Variants in EPB42 observed in about 807,000 individuals in gnomAD.
The protein encoded by EPB42 is protein 4.2.
A neutral mutation model predicts 76.9 loss-of-function variants in EPB42; 49 were observed. The observed-to-expected ratio is 0.64, with a 90% CI of 0.51 to 0.81. The LOEUF is 0.81. Ranked by LOEUF, EPB42 falls within the 30% of genes least tolerant of loss-of-function variation. The probability of loss-of-function intolerance (pLI) is 0.00; values close to 1 mark genes in which losing one functional copy is unlikely to be tolerated. For synonymous variants in EPB42, 310 were observed against 338.4 expected, an observed-to-expected ratio of 0.92 and a Z score of 0.92; for missense variants, 731 against 867.6, an observed-to-expected ratio of 0.84 and a Z score of 1.98.
chr15:43,208,366 A>T lies in EPB42; in HGVS notation c.972-33T>A, dbSNP rs1214312947. 3.7e-6 allele frequency: 6 copies of T among 1,604,164 alleles called. No individual in the cohort carries two copies. The Admixed American group carries it at 8.3e-5, about 22-fold the overall frequency. On this transcript the variant is annotated intron_variant, in intron 7 of 12. Transcript: ENST00000441366. Reference sequence around the variant, plus strand: ...CAGCAAAGAGAAAAATTCAAGTGGGAAAGAAAACGAGTGCTGAAGAGGTTC... The same window carrying T: ...CAGCAAAGAGAAAAATTCAAGTGGGTAAGAAAACGAGTGCTGAAGAGGTTC...
rs1442751093 is a variant in EPB42 at position 43,201,984 on chromosome 15, G to A, written c.1780-7C>T. 6 of 1,613,994 alleles carry A rather than the reference G, an allele frequency of 3.7e-6. No individual in the cohort carries two copies. The highest frequency in any genetic ancestry group is 3.4e-4 in the Middle Eastern group (2 of 5,946). On this transcript the variant is annotated splice_region_variant and splice_polypyrimidine_tract_variant and intron_variant, in intron 11 of 12. Coordinates refer to ENST00000441366, the MANE Select transcript of EPB42 (RefSeq NM_001114134.2). ...GCTCTGCTTTCTCTGGCATCTGTGG[G>A]AAGAGGCAATACCTGGTGTGGATGC...
intron 11 of EPB42, 114 bp downstream of exon 11, chr15:43,203,001 T>C: frequency 7.5e-7 from 1 of 1,333,128 alleles, no homozygotes; most frequent in Non-Finnish European, 1.1e-6. Flanking sequence ...AAATGTAGCA[T>C]TTTCTGGTAA....
upstream of EPB42, among the ~76,000 whole-genome samples, chr15:43,222,819 A>T (rs184775836): frequency 2.0e-5 from 3 of 152,360 alleles, no homozygotes; most frequent in African/African-American, 4.8e-5. Context: ...TTGGCTTCCT[A>T]TCTTATGCCA....
At position 43,207,433 on chromosome 15, in the gene EPB42, A is replaced by T; in HGVS notation, c.1084T>A (p.Ser362Thr). The T allele has an allele frequency of 6.2e-7, 1 of 1,613,802 alleles. No homozygotes were observed. The highest frequency in any genetic ancestry group is 8.5e-7 in the Non-Finnish European group (1 of 1,180,024). The change falls in exon 9 of 13, where the codon TCC becomes ACC. Residue 362 changes from serine to threonine, a missense_variant. Transcript: ENST00000441366. ...SAPNGGGVLG[S>T]CDLVPVRAVK... Reference sequence around the variant, plus strand: ...GCTCTGACCGGCACCAGATCACAGGACCCCAGGACTGAGGGAGAGAAAGGT... The same window carrying T: ...GCTCTGACCGGCACCAGATCACAGGTCCCCAGGACTGAGGGAGAGAAAGGT...
intron 10 of EPB42, 116 bp from the exon 11 acceptor site, chr15:43,203,391 C>T: frequency 7.6e-7 from 1 of 1,310,746 alleles, no homozygotes; most frequent in Non-Finnish European, 1.1e-6. Context: ...AAAGATGCAC[C>T]ATTTTCCCCA....
chr15:43,208,194 G>T (rs1195938941), intron 8 of EPB42, 36 bp downstream of exon 8: 2 of 1,586,222 alleles, frequency 1.3e-6, no homozygotes, highest in Admixed American at 1.7e-5. Context: ...GCTCTGTGCA[G>T]CCCTGCGTGG....
At chr15:43,202,060 CTCAG>C in intron 11 of EPB42, 83 bp from the exon 12 acceptor site, 3 of 1,596,904 alleles carry the variant, frequency 1.9e-6, no homozygotes. Context: ...CTGTACCCTC[CTCAG>C]TAAGTTTCCT....
In EPB42 at chr15:43,200,287, C is replaced by G. The variant is rs2042106672; in HGVS notation, c.1913+1557G>C. On this transcript the variant is annotated intron_variant, in intron 12 of 12. Transcript: ENST00000441366. ...TTGGCAAGAATGTCTCATTAAGTTT[C>G]ATGAGGCTGAGGCAGTGGCTCAGTA... Among the ~76,000 whole-genome samples, 3 of 152,200 alleles carry G rather than the reference C, an allele frequency of 2.0e-5. 1 individual carries two copies. The South Asian group carries it at 6.2e-4, about 31-fold the overall frequency.
Position 43,207,148 on chromosome 15 carries a change from C to T in EPB42, c.1318+51G>A, listed in dbSNP as rs111472361. 5.1e-5 allele frequency: 83 copies of T among 1,611,840 alleles called. 1 individual carries two copies. The highest frequency in any genetic ancestry group is 3.1e-4 in the South Asian group (28 of 90,876). On this transcript the variant is annotated intron_variant, in intron 9 of 12. Transcript: ENST00000441366. Reference sequence around the variant, plus strand: ...ATCTACCAGGCCCATCCCTTTCCCTCGCTTGCCGTTTCAGGTACCGAGAAG... The same window carrying T: ...ATCTACCAGGCCCATCCCTTTCCCTTGCTTGCCGTTTCAGGTACCGAGAAG...
rs1175709797 is a variant in EPB42, at chr15:43,208,768, T to C, written c.840A>G (p.Arg280=). The C allele has an allele frequency of 1.2e-6, 2 of 1,614,000 alleles. No homozygotes were observed. Among genetic ancestry groups the C allele is most frequent in the Non-Finnish European group, 1.7e-6 (2 of 1,179,996 alleles). The part of the protein sequence containing the change: ...VLAAVACTVL[R]CLGIPARVVT... ...CCACGCGGGCAGGGATTCCCAGGCA[T>C]CGCAGCACTGTGAGAAGAGGGGCGG... The change falls in exon 7 of 13, where the codon CGA becomes CGG. Residue 280 remains arginine (R), a synonymous_variant. Transcript: ENST00000441366.
chr15:43,214,585 C>A (rs1324096619), intron 3 of EPB42, among the ~76,000 whole-genome samples: 1 of 152,166 alleles, frequency 6.6e-6, no homozygotes, highest in African/African-American at 2.4e-5. Context: ...GGAGCCTTAT[C>A]AATTCAAAAT....
intron 12 of EPB42, among the ~76,000 whole-genome samples, chr15:43,201,438 G>A (rs568007148): frequency 2.0e-5 from 3 of 152,314 alleles, no homozygotes; most frequent in South Asian, 4.1e-4. Context: ...GGGAATAAAA[G>A]GGAATAAATT....
chr15:43,210,307 C>T, intron 5 of EPB42, 28 bp downstream of exon 5: 2 of 1,604,012 alleles, frequency 1.2e-6, no homozygotes, highest in Non-Finnish European at 1.7e-6. Context: ...ACCCCTGCCC[C>T]ATTCTGGTTC....
rs121917734 is a variant in EPB42, at chr15:43,208,769, C to T, written c.839G>A (p.Arg280Gln). 4 of 1,613,998 alleles carry T rather than the reference C, an allele frequency of 2.5e-6. No individual in the cohort carries two copies. Among genetic ancestry groups the T allele is most frequent in the South Asian group, 1.1e-5 (1 of 91,072 alleles). ...VLAAVACTVL[R>Q]CLGIPARVVT... ...CACGCGGGCAGGGATTCCCAGGCAT[C>T]GCAGCACTGTGAGAAGAGGGGCGGA... The change falls in exon 7 of 13, where the codon CGA becomes CAA. Residue 280 changes from arginine (R) to glutamine (Q), a missense_variant. Arg to Gln is a conservative substitution (Grantham distance 43). Coordinates refer to ENST00000441366, the MANE Select transcript of EPB42 (RefSeq NM_001114134.2).
chr15:43,204,864 A>C (rs1379007863), intron 10 of EPB42, among the ~76,000 whole-genome samples: 6 of 151,952 alleles, frequency 3.9e-5, no homozygotes, highest in Non-Finnish European at 8.8e-5. Flanking sequence ...AATCAGTTAC[A>C]TCAGACTCTG....
At chr15:43,202,053 T>C (rs1567271412) in intron 11 of EPB42, 76 bp from the exon 12 acceptor site, 4 of 1,603,610 alleles carry the variant, frequency 2.5e-6, no homozygotes, top group South Asian at 2.2e-5. Context: ...TGCACCCCTG[T>C]ACCCTCCTCA....
chr15:43,207,281 C>T lies in EPB42; in HGVS notation c.1236G>A (p.Lys412=). The part of the protein sequence containing the change: ...GTLELTDSNT[K]YVGNNISTKG... ...TGGTGCTGATGTTGTTGCCAACATA[C>T]TTTGTGTTGGAGTCAGTCAACTCCA... Residue 412 remains lysine (K), a synonymous_variant, in exon 9 of 13, where the codon AAG becomes AAA. Coordinates refer to ENST00000441366, the MANE Select transcript of EPB42 (RefSeq NM_001114134.2). 2 of 1,614,144 alleles carry T rather than the reference C, an allele frequency of 1.2e-6. No homozygotes were observed. Among genetic ancestry groups the T allele is most frequent in the Non-Finnish European group, 1.7e-6 (2 of 1,180,006 alleles).
intron 1 of EPB42, 26 bp downstream of exon 1, chr15:43,220,790 C>A (rs1019570547): frequency 6.2e-7 from 1 of 1,613,118 alleles, no homozygotes. Context: ...GTCCAGCAAG[C>A]CCTGTCGAGC....
Position 43,208,218 on chromosome 15 carries a change from C to A in EPB42, c.1075+12G>T. 1 of 1,612,808 alleles carries A rather than the reference C, an allele frequency of 6.2e-7. No individual in the cohort carries two copies. The highest frequency in any genetic ancestry group is 1.3e-5 in the African/African-American group (1 of 75,018). On this transcript the variant is annotated intron_variant, in intron 8 of 12. Coordinates refer to ENST00000441366, the MANE Select transcript of EPB42 (RefSeq NM_001114134.2). ...AGCCCTGCGTGGTCCTGGACCCACC[C>A]CTAGGCTTTACCTCCACCTCCATTA...
Sources: gnomAD v4.1 joint callset for allele counts (sites outside exome capture counted in the v4.1 genomes callset) on GRCh38, gnomAD v4.1.1 for gene constraint, MANE v1.5 for transcripts, NCBI Gene and HGNC (gene_info 2026-07-23, HGNC 2026-07-21) for gene names.